The following RIMS1 variants were observed in gnomAD, a reference collection of about 807,000 sequenced individuals.
The protein encoded by RIMS1 is regulating synaptic membrane exocytosis protein 1.
Under a neutral mutation model 214.1 loss-of-function variants are expected in RIMS1, and 83 were observed. The observed-to-expected ratio is 0.39, with a 90% CI of 0.32 to 0.47. RIMS1 has a LOEUF of 0.47. RIMS1 is among the 20% of genes least tolerant of loss of function. The pLI is 0.99. For missense variants in RIMS1, 2,050 were observed against 2,161.8 expected (o/e 0.95, Z 1.03); for synonymous variants, 793 against 786.8 (o/e 1.01, Z -0.13).
At chr6:71,949,358 A>G (rs1443198691) in intron 1 of RIMS1, among the ~76,000 whole-genome samples, 2 of 152,056 alleles carry the variant, frequency 1.3e-5, no homozygotes, top group South Asian at 2.1e-4. Flanking sequence ...CAATGGGGAG[A>G]AAAAAGAGTG....
chr6:72,364,110 G>T (rs1481270757), intron 29 of RIMS1, among the ~76,000 whole-genome samples: 2 of 152,174 alleles, frequency 1.3e-5, no homozygotes, highest in Admixed American at 1.3e-4. Context: ...AATAGGCCAA[G>T]CCCTCTCTTT....
At position 72,246,022 on chromosome 6, in the gene RIMS1, C is replaced by A. The variant is rs555188604; in HGVS notation, c.2128+161C>A. ...GCAATGATGGCAATAACTGGAAATC[C>A]AAAGAAGTCCTACTTCAGGATTTTT... On this transcript the variant is annotated intron_variant, in intron 11 of 33. Transcript: ENST00000521978. Among the ~76,000 whole-genome samples, 27 of 151,942 alleles carry A rather than the reference C, an allele frequency of 1.8e-4. No homozygotes were observed. The South Asian group carries it at 4.8e-3, about 27-fold the overall frequency.
intron 24 of RIMS1, among the ~76,000 whole-genome samples, chr6:72,286,651 T>A (rs1350169912): frequency 1.3e-5 from 2 of 152,310 alleles, no homozygotes; most frequent in East Asian, 3.9e-4. Flanking sequence ...TGGCCTGGGT[T>A]TTCTAATTTA....
chr6:72,104,846 T>A (rs190693348), intron 4 of RIMS1, among the ~76,000 whole-genome samples: 2 of 152,318 alleles, frequency 1.3e-5, no homozygotes, highest in South Asian at 2.1e-4. Flanking sequence ...GGGAGAAGGA[T>A]CTGCAGAGGT....
chr6:72,035,265 T>G (rs1249895014), intron 2 of RIMS1, among the ~76,000 whole-genome samples: 1 of 152,206 alleles, frequency 6.6e-6, no homozygotes, highest in Admixed American at 6.5e-5. Context: ...TTCTTCATGG[T>G]GTTGTTAATA....
intron 2 of RIMS1, among the ~76,000 whole-genome samples, chr6:72,063,103 C>T (rs1397044173): frequency 6.6e-6 from 1 of 152,078 alleles, no homozygotes; most frequent in Non-Finnish European, 1.5e-5. Context: ...GAAGAATGAA[C>T]TTAATTCCAG....
At chr6:71,978,102 G>A (rs1210297387) in intron 2 of RIMS1, among the ~76,000 whole-genome samples, 1 of 152,158 alleles carries the variant, frequency 6.6e-6, no homozygotes, top group Non-Finnish European at 1.5e-5. Flanking sequence ...GGAGAACAGA[G>A]AAGAGGAACT....
At chr6:72,391,722 G>A (rs997998400) in intron 30 of RIMS1, among the ~76,000 whole-genome samples, 11 of 152,142 alleles carry the variant, frequency 7.2e-5, no homozygotes, top group Non-Finnish European at 1.5e-4. Flanking sequence ...TGTTATGCAT[G>A]TTTCCAGTAA....
At chr6:71,906,672 C>G (rs904210985) in intron 1 of RIMS1, among the ~76,000 whole-genome samples, 3 of 152,050 alleles carry the variant, frequency 2.0e-5, no homozygotes, top group African/African-American at 7.2e-5. Context: ...ATTTCTAAAT[C>G]AATGAGGCCT....
chr6:72,354,786 T>G (rs1007834293), intron 29 of RIMS1, among the ~76,000 whole-genome samples: 1 of 152,224 alleles, frequency 6.6e-6, no homozygotes, highest in African/African-American at 2.4e-5. Flanking sequence ...ACCTCTTTAG[T>G]GCTTTAGACC....
intron 4 of RIMS1, chr6:72,126,761 T>TAAAA (rs71540329): frequency 6.4e-5 from 8 of 124,536 alleles, no homozygotes; most frequent in South Asian, 3.5e-4. Flanking sequence ...ATTAAAAAGT[T>TAAAA]AAAAAAAAAA....
chr6:72,372,171 C>T (rs2154402843), intron 29 of RIMS1, among the ~76,000 whole-genome samples: 1 of 152,216 alleles, frequency 6.6e-6, no homozygotes, highest in East Asian at 1.9e-4. Context: ...TTGGACAGGC[C>T]ATAAACATGT....
intron 1 of RIMS1, among the ~76,000 whole-genome samples, chr6:71,912,950 T>A (rs1777355981): frequency 6.6e-6 from 1 of 152,146 alleles, no homozygotes; most frequent in South Asian, 2.1e-4. Flanking sequence ...ATGAGCTTCA[T>A]GGAAGCTTCT....
chr6:72,345,236 G>A (rs993032004), intron 29 of RIMS1, among the ~76,000 whole-genome samples: 18 of 151,358 alleles, frequency 1.2e-4, no homozygotes, highest in Admixed American at 8.6e-4. Flanking sequence ...AATACAGAAA[G>A]GCAAAAAGAA....
At chr6:72,012,949 C>A (rs1232950020) in intron 2 of RIMS1, among the ~76,000 whole-genome samples, 1 of 152,158 alleles carries the variant, frequency 6.6e-6, no homozygotes, top group African/African-American at 2.4e-5. Flanking sequence ...GCATGTTTTG[C>A]AAAGGCATCA....
At chr6:72,336,611 T>C (rs527965886) in intron 29 of RIMS1, among the ~76,000 whole-genome samples, 7 of 151,934 alleles carry the variant, frequency 4.6e-5, no homozygotes, top group African/African-American at 1.4e-4. Flanking sequence ...AGTTTTCTTA[T>C]ATAATGATGG....
intron 1 of RIMS1, among the ~76,000 whole-genome samples, chr6:71,936,868 C>T (rs957510585): frequency 5.9e-5 from 9 of 152,198 alleles, no homozygotes; most frequent in South Asian, 4.1e-4. Flanking sequence ...CGTCCTTTTA[C>T]AGTTCTCTTA....
intron 4 of RIMS1, among the ~76,000 whole-genome samples, chr6:72,132,265 G>T (rs1386258184): frequency 6.6e-6 from 1 of 152,136 alleles, no homozygotes; most frequent in Non-Finnish European, 1.5e-5. Flanking sequence ...TTTAGAGATT[G>T]CAGTAAAGAC....
intron 6 of RIMS1, among the ~76,000 whole-genome samples, chr6:72,212,097 CCAAAA>C (rs2053917407): frequency 1.3e-5 from 2 of 151,796 alleles, no homozygotes; most frequent in African/African-American, 4.8e-5. Flanking sequence ...GTATTGAAAT[CCAAAA>C]CAATAATAAC....
Sources: allele counts gnomAD v4.1 joint callset (sites outside exome capture counted in the v4.1 genomes callset), GRCh38; gene constraint gnomAD v4.1.1; transcripts MANE v1.5; gene names NCBI Gene and HGNC (gene_info 2026-07-23, HGNC 2026-07-21).